Variants in RFX3 observed in about 807,000 individuals in gnomAD.
RFX3 encodes transcription factor RFX3.
A neutral mutation model predicts 98.6 loss-of-function variants in RFX3; 14 were observed. That is an observed-to-expected ratio of 0.14 (90% CI 0.09 to 0.22). The LOEUF is 0.22. Ranked by LOEUF, RFX3 falls within the 10% of genes least tolerant of loss-of-function variation. The pLI is 1.00. For missense variants in RFX3, 639 were observed against 926.9 expected (o/e 0.69, Z 4.03); for synonymous variants, 383 against 328.4 (o/e 1.17, Z -1.80).
At chr9:3,338,495 G>GCA (rs143312710) in intron 3 of RFX3, among the ~76,000 whole-genome samples, 6,626 of 152,212 alleles carry the variant, frequency 0.044, 163 homozygotes, top group Non-Finnish European at 0.054. Flanking sequence ...GTAAGGATCG[G>GCA]CACATCTTTA....
chr9:3,226,947 A>G (rs144659447), intron 16 of RFX3, among the ~76,000 whole-genome samples: 1 of 152,244 alleles, frequency 6.6e-6, no homozygotes, highest in African/African-American at 2.4e-5. Context: ...TATTATCAAG[A>G]ATAAGAATTC....
Position 3,338,278 on chromosome 9 carries a change from C to T in RFX3, c.216-7761G>A, listed in dbSNP as rs117737845. Among the ~76,000 whole-genome samples the T allele has an allele frequency of 5.6e-4, 86 of 152,306 alleles. 1 individual carries two copies. In the East Asian group the frequency reaches 6.4e-3, roughly 11 times the overall value. On this transcript the variant is annotated intron_variant, in intron 3 of 16. Transcript: ENST00000617270. The stretch of plus-strand genomic sequence containing the variant: ...TACTTATTTCTTCTAACTTCATCTG[C>T]TATAACAAAAAGTAAAAAACAAAAA...
chr9:3,398,717 T>C (rs116140026), intron 1 of RFX3, among the ~76,000 whole-genome samples: 11 of 152,228 alleles, frequency 7.2e-5, no homozygotes, highest in African/African-American at 2.4e-4. Flanking sequence ...GTCTAACTTG[T>C]TTGCACATAC....
At chr9:3,467,130 GTATATATGTATATACATAA>G (rs1182260128) in intron 1 of RFX3, among the ~76,000 whole-genome samples, 10 of 138,212 alleles carry the variant, frequency 7.2e-5, no homozygotes, top group Non-Finnish European at 1.2e-4. Context: ...ATATATGTAA[GTATATATGTATATACATAA>G]TATATATGTA....
At chr9:3,442,675 A>C (rs1564106399) in intron 1 of RFX3, among the ~76,000 whole-genome samples, 1 of 152,220 alleles carries the variant, frequency 6.6e-6, no homozygotes, top group Non-Finnish European at 1.5e-5. Context: ...GAATGGGGGT[A>C]TATGGGAACC....
At chr9:3,332,741 T>C (rs2130917961) in intron 3 of RFX3, among the ~76,000 whole-genome samples, 2 of 152,324 alleles carry the variant, frequency 1.3e-5, no homozygotes, top group East Asian at 3.9e-4. Context: ...TGTTATCAAA[T>C]GCTCTCTTCA....
At chr9:3,410,913 T>C (rs1271168414) in intron 1 of RFX3, among the ~76,000 whole-genome samples, 2 of 152,276 alleles carry the variant, frequency 1.3e-5, no homozygotes, top group East Asian at 1.9e-4. Flanking sequence ...CTAATTTACA[T>C]AAAAGCAGTA....
chr9:3,428,576 C>T (rs1218242570), intron 1 of RFX3, among the ~76,000 whole-genome samples: 1 of 152,040 alleles, frequency 6.6e-6, no homozygotes, highest in Non-Finnish European at 1.5e-5. Flanking sequence ...TATTTTTATT[C>T]AAGTCAAAAT....
At chr9:3,228,986 A>G in intron 15 of RFX3, 97 bp from the exon 16 acceptor site, 1 of 1,018,268 alleles carries the variant, frequency 9.8e-7, no homozygotes, top group Non-Finnish European at 1.4e-6. Flanking sequence ...ATGACTCTTT[A>G]AAACTGTAAA....
chr9:3,344,982 T>C (rs886314650), intron 3 of RFX3: 1 of 605,876 alleles, frequency 1.7e-6, no homozygotes, highest in African/African-American at 1.9e-5. Context: ...GACTTTATTA[T>C]GTGCCAATCA....
intron 4 of RFX3, among the ~76,000 whole-genome samples, chr9:3,308,996 C>G (rs1829653755): frequency 6.6e-6 from 1 of 152,040 alleles, no homozygotes; most frequent in South Asian, 2.1e-4. Flanking sequence ...AGAGACTATA[C>G]CAATTAATTT....
At chr9:3,343,720 C>T (rs949782412) in intron 3 of RFX3, among the ~76,000 whole-genome samples, 9 of 152,102 alleles carry the variant, frequency 5.9e-5, no homozygotes, top group Non-Finnish European at 1.2e-4. Flanking sequence ...CAAAAATTAT[C>T]CTTGATAGTA....
At position 3,270,808 on chromosome 9, in the gene RFX3, TACA is replaced by T. The variant is rs1824325662; in HGVS notation, c.1202+192_1202+194del. 1.1e-5 allele frequency: 8 copies of T among 736,814 alleles called. No individual in the cohort carries two copies. In the East Asian group the frequency reaches 2.2e-4, roughly 20 times the overall value. The allele number at this position is 736,814 out of a possible 1,614,324, so 45.6% of individuals were successfully genotyped here. The stretch of plus-strand genomic sequence containing the variant: ...TAACTACCACAGTCCCCCAAATCAG[TACA>T]AATGGGAGCTATATACACACACTGA... On this transcript the variant is annotated intron_variant, in intron 10 of 16. Transcript: ENST00000617270.
chr9:3,355,203 C>G (rs933105672), intron 2 of RFX3, among the ~76,000 whole-genome samples: 6 of 151,596 alleles, frequency 4.0e-5, no homozygotes, highest in Non-Finnish European at 8.9e-5. Context: ...AATAACAAGA[C>G]ACTAGAATTA....
chr9:3,468,968 T>C lies in RFX3; in HGVS notation c.-9+56779A>G, dbSNP rs1848553639. Among the ~76,000 whole-genome samples the C allele has an allele frequency of 2.6e-5, 4 of 152,232 alleles. No individual in the cohort carries two copies. The South Asian group carries it at 8.3e-4, about 32-fold the overall frequency. On this transcript the variant is annotated intron_variant, in intron 1 of 16. Coordinates refer to ENST00000617270, the MANE Select transcript of RFX3 (RefSeq NM_001282116.2). ...CTTTTCAAAACCAATTCATTTAATA[T>C]TTTTTAAAACTGCCTGTCAGTTTTT...
Position 3,271,121 on chromosome 9 carries a change from A to G in RFX3, c.1087-3T>C, listed in dbSNP as rs1471757988. On this transcript the variant is annotated splice_region_variant and splice_polypyrimidine_tract_variant and intron_variant, in intron 9 of 16. Transcript: ENST00000617270. ...TTCACAACAACGTCCAATATTGCCT[A>G]AAAAACAAAATGGTACCAGTATTAC... 6.2e-7 allele frequency: 1 copy of G among 1,612,716 alleles called. No individual in the cohort carries two copies. The highest frequency in any genetic ancestry group is 2.2e-5 in the East Asian group (1 of 44,802).
intron 3 of RFX3, among the ~76,000 whole-genome samples, chr9:3,334,770 G>A (rs1446544673): frequency 1.3e-5 from 2 of 152,130 alleles, no homozygotes; most frequent in African/African-American, 2.4e-5. Flanking sequence ...TACACTTGCA[G>A]TTGGAAATGG....
chr9:3,303,299 A>T (rs1002807938), intron 4 of RFX3, among the ~76,000 whole-genome samples: 3 of 151,924 alleles, frequency 2.0e-5, no homozygotes, highest in Non-Finnish European at 4.4e-5. Flanking sequence ...TTGGTATAAC[A>T]TCTCTTAAAA....
At chr9:3,504,269 T>C (rs1414475350) in intron 1 of RFX3, among the ~76,000 whole-genome samples, 2 of 129,016 alleles carry the variant, frequency 1.6e-5, no homozygotes, top group Non-Finnish European at 3.1e-5. Context: ...ATATATACTA[T>C]ATTGTATATA....
Sources: allele counts gnomAD v4.1 joint callset (sites outside exome capture counted in the v4.1 genomes callset), GRCh38; gene constraint gnomAD v4.1.1; transcripts MANE v1.5; gene names NCBI Gene and HGNC (gene_info 2026-07-23, HGNC 2026-07-21).